PRDM6: variants seen among roughly 807,000 people sequenced by gnomAD.
PRDM6 encodes putative histone-lysine N-methyltransferase PRDM6.
A neutral mutation model predicts 60.8 loss-of-function variants in PRDM6; 25 were observed. That is an observed-to-expected ratio of 0.41 (90% CI 0.30 to 0.57). PRDM6 has a LOEUF of 0.57. Among genes scored for constraint, PRDM6 ranks in the 20% least tolerant of loss-of-function variants. The pLI is 0.27. For synonymous variants in PRDM6, 407 were observed against 357.4 expected, an observed-to-expected ratio of 1.14 and a Z score of -1.57; for missense variants, 839 against 821.3, an observed-to-expected ratio of 1.02 and a Z score of -0.26.
intron 3 of PRDM6, among the ~76,000 whole-genome samples, chr5:123,120,879 T>C (rs187600465): frequency 7.2e-5 from 11 of 152,338 alleles, no homozygotes; most frequent in African/African-American, 2.6e-4. Context: ...GAGCCGTAGG[T>C]TTGGCTTCTG....
intron 3 of PRDM6, among the ~76,000 whole-genome samples, chr5:123,127,320 G>C (rs909662912): frequency 8.5e-5 from 13 of 152,100 alleles, no homozygotes; most frequent in Non-Finnish European, 1.8e-4. Flanking sequence ...TTACAGGCAT[G>C]AGCCACCGTG....
intron 3 of PRDM6, among the ~76,000 whole-genome samples, chr5:123,146,900 A>G (rs546742982): frequency 6.6e-5 from 10 of 152,338 alleles, no homozygotes; most frequent in African/African-American, 4.8e-5. Flanking sequence ...CAATACACAC[A>G]GTTTGTGGCA....
In PRDM6 at chr5:123,090,401, C is replaced by T. The variant is rs1189915588; in HGVS notation, c.387C>T (p.Ala129=). 4 of 1,459,490 alleles carry T rather than the reference C, an allele frequency of 2.7e-6. No individual in the cohort carries two copies. The highest frequency in any genetic ancestry group is 3.6e-6 in the Non-Finnish European group (4 of 1,112,400). The allele number at this position is 1,459,490 out of a possible 1,614,324, so 90.4% of individuals were successfully genotyped here. Residue 129 remains alanine (A), a synonymous_variant, in exon 2 of 8, where the codon GCC becomes GCT. Transcript: ENST00000407847. ...FAPLAAAAVA[A]EPLPPKELCL... ...CTCTAGCCGCCGCTGCCGTCGCCGC[C>T]GAGCCGCTGCCCCCCAAGGAACTGT...
chr5:123,150,246 A>G (rs1359088431), intron 3 of PRDM6, among the ~76,000 whole-genome samples: 2 of 152,152 alleles, frequency 1.3e-5, no homozygotes, highest in African/African-American at 4.8e-5. Context: ...TAAATAACTG[A>G]CCAAAATCAC....
chr5:123,149,335 C>A (rs181128317), intron 3 of PRDM6, among the ~76,000 whole-genome samples: 9 of 152,284 alleles, frequency 5.9e-5, no homozygotes, highest in Admixed American at 5.9e-4. Context: ...GTACATGTGA[C>A]TGCACAGACA....
In PRDM6 at chr5:123,193,387, C is replaced by A. The variant is rs1429865184; in HGVS notation, c.*6186C>A. The A allele has an allele frequency of 5.3e-5, 8 of 152,180 alleles. 1 individual carries two copies. Among genetic ancestry groups the A allele is most frequent in the Non-Finnish European group, 1.0e-4 (7 of 68,038 alleles). The allele number at this position is 152,180 out of a possible 1,614,324, so 9.4% of individuals were successfully genotyped here. A position where few individuals can be genotyped will look rare whatever the true frequency, so the allele number is the denominator to read the frequency against. On this transcript the variant is annotated 3_prime_UTR_variant, in exon 8 of 8. Coordinates refer to ENST00000407847, the MANE Select transcript of PRDM6 (RefSeq NM_001136239.4). Reference sequence around the variant, plus strand: ...GATTGCCACATGTTGGGGAAAGCAGCCATCTTAGAGCAAAAGTCTGCCAAC... The same window carrying A: ...GATTGCCACATGTTGGGGAAAGCAGACATCTTAGAGCAAAAGTCTGCCAAC...
intron 6 of PRDM6, among the ~76,000 whole-genome samples, chr5:123,175,413 C>G (rs1350124642): frequency 3.3e-5 from 5 of 152,154 alleles, no homozygotes; most frequent in Non-Finnish European, 7.3e-5. Context: ...AAGGGGCTCT[C>G]TGATAGGAGG....
chr5:123,090,574 C>G lies in PRDM6; in HGVS notation c.560C>G (p.Pro187Arg), dbSNP rs1343452963. 3.7e-5 allele frequency: 57 copies of G among 1,525,568 alleles called. No individual in the cohort carries two copies. The highest frequency in any genetic ancestry group is 2.3e-4 in the Middle Eastern group (1 of 4,366). The allele number at this position is 1,525,568 out of a possible 1,614,324, so 94.5% of individuals were successfully genotyped here. ...LYGQQRMEII[P>R]LNQHTSDPNN... ...GGCCAGCAGCGCATGGAGATCATCC[C>G]GCTCAACCAGCACACCAGCGACCCC... Residue 187 changes from proline (P) to arginine (R), a missense_variant, in exon 2 of 8, where the codon CCG becomes CGG. Pro to Arg is a moderately radical substitution (Grantham distance 103, BLOSUM62 -2). Around this residue, in one of 2 missense-constraint regions of PRDM6, gnomAD observed 730 missense variants for 648.8 expected, o/e 1.13. Coordinates refer to ENST00000407847, the MANE Select transcript of PRDM6 (RefSeq NM_001136239.4).
intron 3 of PRDM6, among the ~76,000 whole-genome samples, chr5:123,129,949 T>C (rs1362223474): frequency 2.6e-5 from 4 of 151,480 alleles, no homozygotes; most frequent in Middle Eastern, 3.4e-3. Context: ...CCTGTCCACC[T>C]TCCTTCCTCC....
chr5:123,155,069 C>T (rs1038922441), intron 3 of PRDM6, among the ~76,000 whole-genome samples: 22 of 152,084 alleles, frequency 1.4e-4, no homozygotes, highest in African/African-American at 5.3e-4. Flanking sequence ...GCTTGGCTCC[C>T]TAGTTGCTTT....
intron 3 of PRDM6, among the ~76,000 whole-genome samples, chr5:123,110,667 A>G (rs1764293041): frequency 6.7e-6 from 1 of 148,566 alleles, no homozygotes; most frequent in South Asian, 2.1e-4. Context: ...TCCCGGGTTC[A>G]AGCTATTCTC....
At chr5:123,182,389 T>G (rs936477040) in intron 7 of PRDM6, among the ~76,000 whole-genome samples, 2 of 152,256 alleles carry the variant, frequency 1.3e-5, no homozygotes, top group Non-Finnish European at 2.9e-5. Context: ...TGGCCCCTTA[T>G]ATTAGAAAGG....
intron 3 of PRDM6, among the ~76,000 whole-genome samples, chr5:123,124,563 T>C (rs1446878267): frequency 6.6e-6 from 1 of 152,242 alleles, no homozygotes. Flanking sequence ...CTTTTACTGA[T>C]ACGGTGTCTA....
At chr5:123,111,707 CAA>C (rs70988559) in intron 3 of PRDM6, among the ~76,000 whole-genome samples, 1 of 103,814 alleles carries the variant, frequency 9.6e-6, no homozygotes, top group African/African-American at 3.2e-5. Context: ...CAAAACAAAA[CAA>C]AAAAAAAACA....
rs763306051 is a variant in PRDM6, at chr5:123,190,006, C to T, written c.*2805C>T. 2 of 152,110 alleles carry T rather than the reference C, an allele frequency of 1.3e-5. No individual in the cohort carries two copies. Among genetic ancestry groups the T allele is most frequent in the Admixed American group, 6.6e-5 (1 of 15,264 alleles). 9.4% of individuals were successfully genotyped at this position (152,110 alleles called of 1,614,324 possible). The stretch of plus-strand genomic sequence containing the variant: ...GCAAATGGGTGGTAGAAATTGCAGT[C>T]GTAAAATTTGCCAGTTTTTCTTATT... On this transcript the variant is annotated 3_prime_UTR_variant, in exon 8 of 8. Coordinates refer to ENST00000407847, the MANE Select transcript of PRDM6 (RefSeq NM_001136239.4).
Position 123,090,057 on chromosome 5 carries a change from G to C in PRDM6, c.43G>C (p.Val15Leu), listed in dbSNP as rs894157984. 1.9e-5 allele frequency: 29 copies of C among 1,548,412 alleles called. No homozygotes were observed. The highest frequency in any genetic ancestry group is 2.4e-5 in the Non-Finnish European group (28 of 1,146,078). Residue 15 changes from valine to leucine, a missense_variant, in exon 2 of 8, where the codon GTG becomes CTG. Physicochemically the swap from Val to Leu is conservative, Grantham distance 32. Transcript: ENST00000407847. ...GDPGGSAFLK[V>L]DPAYLQHWQQ... ...CCCCGGCGGTTCGGCCTTCCTCAAA[G>C]TGGACCCAGCCTACCTGCAGCACTG...
rs546524934 is a variant in PRDM6, at chr5:123,186,052, G to A, written c.1674-1035G>A. Among the ~76,000 whole-genome samples, 4 of 152,306 alleles carry A rather than the reference G, an allele frequency of 2.6e-5. No individual in the cohort carries two copies. The East Asian group carries it at 7.7e-4, about 29-fold the overall frequency. ...GGAAAGGGCATTAGGGGTGGCTGAG[G>A]TGGCCTCTGAGCTGTATTAGATGCT... is the stretch of plus-strand genomic sequence containing the variant. On this transcript the variant is annotated intron_variant, in intron 7 of 7. Coordinates refer to ENST00000407847, the MANE Select transcript of PRDM6 (RefSeq NM_001136239.4).
intron 3 of PRDM6, among the ~76,000 whole-genome samples, chr5:123,110,121 C>A (rs1280653122): frequency 6.6e-6 from 1 of 151,970 alleles, no homozygotes; most frequent in Non-Finnish European, 1.5e-5. Flanking sequence ...ACTGTTGACC[C>A]TGTGAAAAGC....
At position 123,193,255 on chromosome 5, in the gene PRDM6, A is replaced by G. The variant is rs1766464287; in HGVS notation, c.*6054A>G. ...GTTGGTGCCTTTCTCCCACTTTGGTACATCACTCCCAACTGAAAACAGTCT... is the reference window on the plus strand; with the variant it reads ...GTTGGTGCCTTTCTCCCACTTTGGTGCATCACTCCCAACTGAAAACAGTCT... On this transcript the variant is annotated 3_prime_UTR_variant, in exon 8 of 8. Coordinates refer to ENST00000407847, the MANE Select transcript of PRDM6 (RefSeq NM_001136239.4). The G allele has an allele frequency of 1.3e-5, 2 of 152,202 alleles. No homozygotes were observed. Among genetic ancestry groups the G allele is most frequent in the South Asian group, 2.1e-4 (1 of 4,828 alleles). The allele number at this position is 152,202 out of a possible 1,614,324, so 9.4% of individuals were successfully genotyped here.
Sources: gnomAD v4.1 joint callset for allele counts (sites outside exome capture counted in the v4.1 genomes callset) on GRCh38, gnomAD v4.1.1 for gene constraint, gnomAD v4.1.1 regional missense constraint, MANE v1.5 for transcripts, NCBI Gene and HGNC (gene_info 2026-07-23, HGNC 2026-07-21) for gene names.